The following DMRT3 variants were observed in gnomAD, a reference collection of about 807,000 sequenced individuals.
The protein encoded by DMRT3 is doublesex- and mab-3-related transcription factor 3.
DMRT3 carries 29 observed loss-of-function variants against 34.9 expected under a neutral mutation model. The ratio of observed to expected loss-of-function variants is 0.83; its 90% CI spans 0.62 to 1.13. The LOEUF is 1.13. Among genes scored for constraint, DMRT3 ranks in the 50% most tolerant of loss-of-function variants. The pLI is 0.00. For missense variants in DMRT3, 772 were observed against 629.1 expected (o/e 1.23, Z -2.43); for synonymous variants, 350 against 286.0 (o/e 1.22, Z -2.26).
intron 1 of DMRT3, among the ~76,000 whole-genome samples, chr9:989,110 CATATA>C (rs1820319369): frequency 1.3e-5 from 2 of 152,108 alleles, no homozygotes; most frequent in South Asian, 2.1e-4. Flanking sequence ...TTCTTCTTTT[CATATA>C]ATATAAAAAG....
In DMRT3 at chr9:990,788, A is replaced by T; in HGVS notation, c.1202A>T (p.Tyr401Phe). Residue 401 changes from tyrosine to phenylalanine, a missense_variant, in exon 2 of 2, where the codon TAT (tyrosine) becomes TTT (phenylalanine). Physicochemically the swap from Tyr to Phe is conservative, Grantham distance 22. Coordinates refer to ENST00000190165, the MANE Select transcript of DMRT3 (RefSeq NM_021240.4). ...LWNTMTLQQQ[Y>F]QLRSQYVSPF... ...AACACCATGACGCTGCAGCAGCAGT[A>T]TCAGCTGAGGTCCCAGTATGTCAGT... 1 of 1,614,164 alleles carries T rather than the reference A, an allele frequency of 6.2e-7. No individual in the cohort carries two copies. Among genetic ancestry groups the T allele is most frequent in the South Asian group, 1.1e-5 (1 of 91,082 alleles).
Position 976,773 on chromosome 9 carries a change from C to G in DMRT3, c.-229C>G, listed in dbSNP as rs1334867316. Among the ~76,000 whole-genome samples the G allele has an allele frequency of 6.6e-6, 1 of 152,144 alleles. No homozygotes were observed. Among genetic ancestry groups the G allele is most frequent in the East Asian group, 1.9e-4 (1 of 5,162 alleles). On this transcript the variant is annotated 5_prime_UTR_variant, in exon 1 of 2. Coordinates refer to ENST00000190165, the MANE Select transcript of DMRT3 (RefSeq NM_021240.4). The surrounding 1 kb of genome is among the most constrained non-coding windows in gnomAD (Gnocchi z 4.5). Reference sequence around the variant, plus strand: ...GCGCGCCCAAGGCAGAGGCCCGCGTCGGCGTTGGCTGGGCGTGAGCTGGGA... The same window carrying G: ...GCGCGCCCAAGGCAGAGGCCCGCGTGGGCGTTGGCTGGGCGTGAGCTGGGA...
At position 977,185 on chromosome 9, in the gene DMRT3, A is replaced by T. The variant is rs760824506; in HGVS notation, c.184A>T (p.Ile62Phe). 6 of 1,609,878 alleles carry T rather than the reference A, an allele frequency of 3.7e-6. No individual in the cohort carries two copies. In the South Asian group the frequency reaches 6.6e-5, roughly 18 times the overall value. The change falls in exon 1 of 2, where the codon ATC becomes TTC. Residue 62 changes from isoleucine to phenylalanine, a missense_variant. Transcript: ENST00000190165. ...DCTCEKCILI[I>F]ERQRVMAAQV... ...CACCTGCGAGAAGTGCATCCTCATC[A>T]TCGAGCGGCAGCGGGTCATGGCTGC...
intron 1 of DMRT3, among the ~76,000 whole-genome samples, chr9:985,817 CTT>C (rs1182822428): frequency 1.3e-5 from 2 of 152,216 alleles, no homozygotes; most frequent in African/African-American, 4.8e-5. Flanking sequence ...CCCAGCACTA[CTT>C]AGCAGGACCT....
intron 1 of DMRT3, among the ~76,000 whole-genome samples, chr9:983,444 TA>T (rs1820245853): frequency 6.6e-6 from 1 of 152,236 alleles, no homozygotes; most frequent in African/African-American, 2.4e-5. Flanking sequence ...TTATTTGCTG[TA>T]TTTCACTGTG....
At chr9:978,013 C>A (rs1820174015) in intron 1 of DMRT3, among the ~76,000 whole-genome samples, 2 of 152,232 alleles carry the variant, frequency 1.3e-5, no homozygotes, top group South Asian at 4.1e-4. Context: ...TCTCAGAACC[C>A]TGGCCTTTCT....
intron 1 of DMRT3, among the ~76,000 whole-genome samples, chr9:979,890 T>C (rs1181011159): frequency 2.6e-5 from 4 of 152,284 alleles, no homozygotes; most frequent in African/African-American, 9.6e-5. Flanking sequence ...GTGCAGAGAG[T>C]AAGCAAAACT....
intron 1 of DMRT3, among the ~76,000 whole-genome samples, chr9:981,302 G>C (rs1820217724): frequency 6.6e-6 from 1 of 151,732 alleles, no homozygotes; most frequent in African/African-American, 2.4e-5. Context: ...AGAAGCACCT[G>C]CAAGTGTAAT....
intron 1 of DMRT3, among the ~76,000 whole-genome samples, chr9:987,007 T>G (rs868544178): frequency 2.6e-5 from 4 of 152,200 alleles, no homozygotes; most frequent in Admixed American, 2.0e-4. Flanking sequence ...TCTATATTAC[T>G]ATGACACTGT....
At chr9:982,824 C>G (rs1200691557) in intron 1 of DMRT3, among the ~76,000 whole-genome samples, 1 of 152,194 alleles carries the variant, frequency 6.6e-6, no homozygotes, top group Admixed American at 6.5e-5. Flanking sequence ...TCTTTCTCTT[C>G]CTTTCTTCCT....
chr9:982,179 A>G (rs1321678712), intron 1 of DMRT3, among the ~76,000 whole-genome samples: 1 of 152,196 alleles, frequency 6.6e-6, no homozygotes, highest in African/African-American at 2.4e-5. Context: ...GTACCCACGC[A>G]GGGCACCCCT....
At chr9:977,501 C>A (rs1282213979) in intron 1 of DMRT3, 46 bp downstream of exon 1, 1 of 1,248,062 alleles carries the variant, frequency 8.0e-7, no homozygotes, top group Non-Finnish European at 1.0e-6. Context: ...GCGGGGGCAA[C>A]TTCGGAGTGC....
At chr9:981,749 C>T (rs1039021681) in intron 1 of DMRT3, among the ~76,000 whole-genome samples, 3 of 152,186 alleles carry the variant, frequency 2.0e-5, no homozygotes, top group Admixed American at 6.5e-5. Flanking sequence ...CGGCTCCTTG[C>T]GGCCGCAATG....
intron 1 of DMRT3, among the ~76,000 whole-genome samples, chr9:985,581 A>C (rs180714333): frequency 6.6e-6 from 1 of 152,238 alleles, no homozygotes; most frequent in Admixed American, 6.5e-5. Context: ...TTACCTGTGA[A>C]AGTCTGTATT....
Position 990,481 on chromosome 9 carries a change from TC to T in DMRT3, c.897del (p.Ala300GlnfsTer6), listed in dbSNP as rs1239454126. On this transcript the variant is annotated frameshift_variant, in exon 2 of 2. Coordinates refer to ENST00000190165, the MANE Select transcript of DMRT3 (RefSeq NM_021240.4). LOFTEE classifies it high-confidence loss of function. ...CTCAGTCACGGGAGCAGAGCGAACT[TC>T]CGCAGAACCTGAGAGTCTAGCGTTG... ...RSSVTGAERT[S>X]AEPESLALPS... is the part of the protein sequence containing the mutation. The T allele has an allele frequency of 1.1e-5, 17 of 1,614,166 alleles. No homozygotes were observed. Among genetic ancestry groups the T allele is most frequent in the Non-Finnish European group, 1.3e-5 (15 of 1,180,034 alleles).
chr9:982,391 C>T (rs1471903179), intron 1 of DMRT3, among the ~76,000 whole-genome samples: 1 of 152,218 alleles, frequency 6.6e-6, no homozygotes, highest in African/African-American at 2.4e-5. Flanking sequence ...CCAAATCACT[C>T]CTTGGTGTTA....
chr9:980,372 A>T (rs1820201487), intron 1 of DMRT3, among the ~76,000 whole-genome samples: 1 of 152,040 alleles, frequency 6.6e-6, no homozygotes, highest in Non-Finnish European at 1.5e-5. Flanking sequence ...GAATTTTCAT[A>T]TTCTAGTGGT....
Position 976,876 on chromosome 9 carries a change from G to T in DMRT3, c.-126G>T. ...CCGCCCCGGAGCACACACGACCACC[G>T]GGGCTGCGGGACCAAGGGCCGCGTC... On this transcript the variant is annotated 5_prime_UTR_variant, in exon 1 of 2. Coordinates refer to ENST00000190165, the MANE Select transcript of DMRT3 (RefSeq NM_021240.4). The surrounding 1 kb of genome is among the most constrained non-coding windows in gnomAD (Gnocchi z 4.5). The T allele has an allele frequency of 9.6e-7, 1 of 1,046,278 alleles. No individual in the cohort carries two copies. Among genetic ancestry groups the T allele is most frequent in the Non-Finnish European group, 1.3e-6 (1 of 789,650 alleles). The allele number at this position is 1,046,278 out of a possible 1,614,324, so 64.8% of individuals were successfully genotyped here.
In DMRT3 at chr9:990,784, C is replaced by A. The variant is rs1820352440; in HGVS notation, c.1198C>A (p.Gln400Lys). Residue 400 changes from glutamine to lysine, a missense_variant, in exon 2 of 2, where the codon CAG (glutamine) becomes AAG (lysine). Coordinates refer to ENST00000190165, the MANE Select transcript of DMRT3 (RefSeq NM_021240.4). ...TLWNTMTLQQQYQLRSQYVSP... is the reference protein window; with the variant it reads ...TLWNTMTLQQKYQLRSQYVSP... ...GTGGAACACCATGACGCTGCAGCAG[C>A]AGTATCAGCTGAGGTCCCAGTATGT... is the stretch of plus-strand genomic sequence containing the variant. 6.2e-7 allele frequency: 1 copy of A among 1,614,052 alleles called. No individual in the cohort carries two copies.
Sources: gnomAD v4.1 joint callset for allele counts (sites outside exome capture counted in the v4.1 genomes callset) on GRCh38, gnomAD v4.1.1 for gene constraint, Gnocchi (gnomAD v3.1) non-coding constraint, MANE v1.5 for transcripts, NCBI Gene and HGNC (gene_info 2026-07-23, HGNC 2026-07-21) for gene names.